The following PPP4R2 variants were observed in gnomAD, a reference collection of about 807,000 sequenced individuals.
PPP4R2 encodes the protein serine/threonine-protein phosphatase 4 regulatory subunit 2.
A neutral mutation model predicts 47.2 loss-of-function variants in PPP4R2; 13 were observed. The observed-to-expected ratio is 0.28, with a 90% CI of 0.18 to 0.44. The LOEUF is 0.44. Ranked by LOEUF, PPP4R2 falls within the 20% of genes least tolerant of loss-of-function variation. The probability of loss-of-function intolerance (pLI) is 1.00; values close to 1 mark genes in which losing one functional copy is unlikely to be tolerated. For missense variants in PPP4R2, 421 were observed against 491.2 expected, an observed-to-expected ratio of 0.86 and a Z score of 1.35; for synonymous variants, 151 against 163.3, an observed-to-expected ratio of 0.92 and a Z score of 0.57.
At chr3:73,026,989 G>T (rs1575857208) in intron 2 of PPP4R2, among the ~76,000 whole-genome samples, 1 of 152,168 alleles carries the variant, frequency 6.6e-6, no homozygotes, top group Non-Finnish European at 1.5e-5. Context: ...AATGCGGAGA[G>T]TAGTACCACC....
intron 2 of PPP4R2, among the ~76,000 whole-genome samples, chr3:73,044,739 C>G (rs1702450279): frequency 6.6e-6 from 1 of 152,112 alleles, no homozygotes; most frequent in African/African-American, 2.4e-5. Flanking sequence ...TGTGTGTTTG[C>G]TATTTGTATA....
At chr3:73,028,589 C>A (rs542057481) in intron 2 of PPP4R2, among the ~76,000 whole-genome samples, 152 of 151,914 alleles carry the variant, frequency 1.0e-3, no homozygotes, top group African/African-American at 3.4e-3. Context: ...TACAGATGCG[C>A]GCCACCATGC....
At chr3:73,056,393 T>A (rs1467546789) in intron 3 of PPP4R2, among the ~76,000 whole-genome samples, 2 of 152,236 alleles carry the variant, frequency 1.3e-5, no homozygotes, top group South Asian at 2.1e-4. Context: ...TAGGCTCTTA[T>A]ATTTATGGAA....
chr3:73,043,120 CAA>C (rs1423959840), intron 2 of PPP4R2, among the ~76,000 whole-genome samples: 1 of 151,942 alleles, frequency 6.6e-6, no homozygotes, highest in Non-Finnish European at 1.5e-5. Context: ...ATTAAAAGCA[CAA>C]AAAATTATTA....
rs1701795762 is a variant in PPP4R2 at position 73,015,061 on chromosome 3, C to G, written c.116+16903C>G. ...CTGTTTATTAATAAACATGCCAAAG[C>G]AAGCCATTTAGGATATAGGAAGAAA... On this transcript the variant is annotated intron_variant, in intron 2 of 8. Coordinates refer to ENST00000356692, the MANE Select transcript of PPP4R2 (RefSeq NM_174907.4). 3.1e-5 allele frequency: 16 copies of G among 508,868 alleles called. 1 individual carries two copies. In the South Asian group the frequency reaches 4.6e-4, roughly 15 times the overall value. The allele number at this position is 508,868 out of a possible 1,614,324, so 31.5% of individuals were successfully genotyped here.
intron 2 of PPP4R2, among the ~76,000 whole-genome samples, chr3:73,028,940 G>T (rs144673033): frequency 6.6e-6 from 1 of 152,098 alleles, no homozygotes; most frequent in African/African-American, 2.4e-5. Flanking sequence ...ATCCAGAGCC[G>T]TCGCAGTTTT....
intron 1 of PPP4R2, chr3:72,997,436 G>C: frequency 6.1e-6 from 1 of 163,222 alleles, no homozygotes; most frequent in Non-Finnish European, 1.3e-5. Flanking sequence ...TGGGGTGGGA[G>C]AAAAAGTAAA....
rs1160523442 is a variant in PPP4R2 at position 73,064,925 on chromosome 3, G to A, written c.712G>A (p.Val238Met). 6.2e-7 allele frequency: 1 copy of A among 1,613,738 alleles called. No homozygotes were observed. The highest frequency in any genetic ancestry group is 8.5e-7 in the Non-Finnish European group (1 of 1,179,802). ...AAATAAACATCCAGATGAAGATGCT[G>A]TGGAAGCTGAGGGGCATGAGGTAAA... is the stretch of plus-strand genomic sequence containing the variant. ...LKNKHPDEDA[V>M]EAEGHEVKRL... Residue 238 changes from valine to methionine, a missense_variant, in exon 8 of 9, where the codon GTG becomes ATG. By Grantham distance (21) the Val-to-Met change is conservative. Coordinates refer to ENST00000356692, the MANE Select transcript of PPP4R2 (RefSeq NM_174907.4).
At chr3:73,014,928 C>G (rs1007617009) in intron 2 of PPP4R2, 5 of 680,820 alleles carry the variant, frequency 7.3e-6, no homozygotes, top group African/African-American at 1.8e-5. Context: ...GGCCTCGAAA[C>G]CCTGGCCTCA....
intron 2 of PPP4R2, among the ~76,000 whole-genome samples, chr3:73,012,901 G>GTT (rs1487352572): frequency 7.3e-6 from 1 of 137,034 alleles, no homozygotes; most frequent in African/African-American, 3.2e-5. Context: ...TAGAATGTAG[G>GTT]CTTTTTTTTT....
At chr3:73,042,358 TTTC>T (rs1702396308) in intron 2 of PPP4R2, among the ~76,000 whole-genome samples, 1 of 125,638 alleles carries the variant, frequency 8.0e-6, no homozygotes, top group Admixed American at 1.0e-4. Context: ...CTGAATATAA[TTTC>T]TTTTTTTTTT....
At chr3:73,018,465 A>ATGTTATTTATGTTATGTTTAT (rs1295553516) in intron 2 of PPP4R2, among the ~76,000 whole-genome samples, 1 of 88,832 alleles carries the variant, frequency 1.1e-5, no homozygotes. Flanking sequence ...ATGTTATGTT[A>ATGTTATTTATGTTATGTTTAT]GTATCCGAAA....
intron 2 of PPP4R2, among the ~76,000 whole-genome samples, chr3:73,005,877 A>G (rs956092880): frequency 2.0e-5 from 3 of 151,506 alleles, no homozygotes; most frequent in Non-Finnish European, 2.9e-5. Flanking sequence ...TTGACATACA[A>G]TACACTGTAT....
intron 2 of PPP4R2, chr3:73,027,843 C>T (rs956592613): frequency 6.6e-6 from 1 of 150,962 alleles, no homozygotes; most frequent in Non-Finnish European, 1.5e-5. Flanking sequence ...GTCTAGTAGG[C>T]TTTCTGGGAG....
At chr3:73,052,844 T>C (rs1000833221) in intron 3 of PPP4R2, among the ~76,000 whole-genome samples, 3 of 152,346 alleles carry the variant, frequency 2.0e-5, no homozygotes, top group South Asian at 2.1e-4. Flanking sequence ...GGAAAACTTT[T>C]GATACCTAAT....
In PPP4R2 at chr3:73,068,636, G is replaced by C. The variant is rs1296807006; in HGVS notation, c.*2914G>C. On this transcript the variant is annotated 3_prime_UTR_variant, in exon 9 of 9. Transcript: ENST00000356692. ...AAGGCATCCCAGAAATCCTCGGCCA[G>C]AAGGTGTGGCTTGTTAAAGCATTGA... 6.6e-6 allele frequency: 1 copy of C among 152,234 alleles called. No homozygotes were observed. The highest frequency in any genetic ancestry group is 1.9e-4 in the East Asian group (1 of 5,202). The allele number at this position is 152,234 out of a possible 1,614,324, so 9.4% of individuals were successfully genotyped here.
chr3:73,021,747 C>G (rs1317733356), intron 2 of PPP4R2, among the ~76,000 whole-genome samples: 46 of 151,754 alleles, frequency 3.0e-4, no homozygotes, highest in Non-Finnish European at 7.4e-5. Context: ...ATATTCTGTT[C>G]CAAGTACTGC....
intron 2 of PPP4R2, among the ~76,000 whole-genome samples, chr3:73,003,997 G>C (rs1019380083): frequency 9.9e-5 from 15 of 152,126 alleles, no homozygotes; most frequent in African/African-American, 3.1e-4. Flanking sequence ...ACTGTGCCTG[G>C]CCTAACTTTT....
chr3:73,050,851 A>G (rs888503347), intron 3 of PPP4R2, among the ~76,000 whole-genome samples: 50 of 152,360 alleles, frequency 3.3e-4, no homozygotes, highest in African/African-American at 1.2e-3. Flanking sequence ...TGTAGTGAGC[A>G]TCCTTCCACG....
Sources: gnomAD v4.1 joint callset for allele counts (sites outside exome capture counted in the v4.1 genomes callset) on GRCh38, gnomAD v4.1.1 for gene constraint, MANE v1.5 for transcripts, NCBI Gene and HGNC (gene_info 2026-07-23, HGNC 2026-07-21) for gene names.